HSD11B1: variants seen among roughly 807,000 people sequenced by gnomAD.
HSD11B1 encodes 11-beta-hydroxysteroid dehydrogenase 1.
A neutral mutation model predicts 22.1 loss-of-function variants in HSD11B1; 15 were observed. That is an observed-to-expected ratio of 0.68 (90% CI 0.45 to 1.04). The LOEUF is 1.04. Ranked by LOEUF, HSD11B1 falls within the 50% of genes least tolerant of loss-of-function variation. The pLI is 0.00. For synonymous variants in HSD11B1, 122 were observed against 125.2 expected, an observed-to-expected ratio of 0.97 and a Z score of 0.17; for missense variants, 281 against 357.6, an observed-to-expected ratio of 0.79 and a Z score of 1.73.
At chr1:209,694,505 A>G (rs138651693) in intron 1 of HSD11B1, among the ~76,000 whole-genome samples, 1 of 152,344 alleles carries the variant, frequency 6.6e-6, no homozygotes, top group Non-Finnish European at 1.5e-5. Context: ...CAGTACCTGA[A>G]TGATAAGGAA....
chr1:209,731,840 G>A (rs558701738), intron 4 of HSD11B1, among the ~76,000 whole-genome samples: 204 of 152,188 alleles, frequency 1.3e-3, no homozygotes, highest in African/African-American at 4.3e-3. Flanking sequence ...TCAGCCTCCC[G>A]AGTAGCTAGG....
chr1:209,719,851 A>G (rs897551152), intron 4 of HSD11B1, among the ~76,000 whole-genome samples: 3 of 152,226 alleles, frequency 2.0e-5, no homozygotes, highest in Admixed American at 6.5e-5. Context: ...GAATAGTGCC[A>G]CAATAAACAT....
chr1:209,724,428 G>A (rs563031517), intron 4 of HSD11B1, among the ~76,000 whole-genome samples: 1 of 152,276 alleles, frequency 6.6e-6, no homozygotes, highest in Non-Finnish European at 1.5e-5. Context: ...ATTTCCTTGG[G>A]ATGTTTGTTT....
chr1:209,696,697 A>T (rs1012020222), intron 1 of HSD11B1, among the ~76,000 whole-genome samples: 2 of 152,250 alleles, frequency 1.3e-5, no homozygotes, highest in African/African-American at 4.8e-5. Flanking sequence ...AAGCCTGGTG[A>T]CTATGAATTG....
In HSD11B1 at chr1:209,686,654, A is replaced by G. The variant is rs569341288; in HGVS notation, c.-49+369A>G. 6.1e-3 allele frequency among the ~76,000 whole-genome samples: 385 copies of G among 62,856 alleles called. 1 individual carries two copies. Among genetic ancestry groups the G allele is most frequent in the African/African-American group, 0.012 (361 of 30,750 alleles). The allele number at this position is 62,856 out of a possible 152,430, so 41.2% of individuals were successfully genotyped here. ...TTGGAATTACAGAAAGACAGCAAGA[A>G]TTATAGAAATGTTGTAAGCAGTTTT... On this transcript the variant is annotated intron_variant, in intron 1 of 6. Coordinates refer to the HSD11B1 transcript ENST00000261465.
At chr1:209,724,621 C>A (rs1261718009) in intron 4 of HSD11B1, among the ~76,000 whole-genome samples, 1 of 152,160 alleles carries the variant, frequency 6.6e-6, no homozygotes, top group South Asian at 2.1e-4. Context: ...CCTTTTGACT[C>A]ATGGAATCTT....
rs763364285 is a variant in HSD11B1, at chr1:209,734,359, G to A, written c.717G>A (p.Glu239=). ...GIVHMQAAPK[E]ECALEIIKGG... is the part of the protein sequence containing the mutation. ...TCCATATGCAAGCAGCTCCAAAGGA[G>A]GAATGTGCCCTGGAGATCATCAAAG... The change falls in exon 6 of 6, where the codon GAG becomes GAA. Residue 239 remains glutamate (E), a synonymous_variant. Coordinates refer to ENST00000367027, the MANE Select transcript of HSD11B1 (RefSeq NM_005525.4). The A allele has an allele frequency of 5.6e-6, 9 of 1,614,038 alleles. No homozygotes were observed. In the East Asian group the frequency reaches 6.7e-5, roughly 12 times the overall value.
intron 4 of HSD11B1, among the ~76,000 whole-genome samples, chr1:209,720,195 G>A (rs191525957): frequency 1.3e-5 from 2 of 152,264 alleles, no homozygotes; most frequent in East Asian, 3.9e-4. Flanking sequence ...AGAGAAACCT[G>A]ATAGACGGCA....
intron 4 of HSD11B1, among the ~76,000 whole-genome samples, chr1:209,722,059 C>T (rs575861157): frequency 6.6e-5 from 10 of 152,246 alleles, no homozygotes; most frequent in South Asian, 4.1e-4. Context: ...AGGCTAGGCA[C>T]GGGTGATTAG....
In HSD11B1 at chr1:209,704,892, T is replaced by C. The variant is rs770064994; in HGVS notation, c.-51T>C. On this transcript the variant is annotated 5_prime_UTR_variant, in exon 1 of 6. Transcript: ENST00000367027. ...GCTTAGGAGGTTGTAGAAAGCTCTG[T>C]AGGTTCTCTCTGTGTGTCCTACAGG... 1 of 1,402,094 alleles carries C rather than the reference T, an allele frequency of 7.1e-7. No individual in the cohort carries two copies. Among genetic ancestry groups the C allele is most frequent in the Non-Finnish European group, 1.0e-6 (1 of 987,492 alleles). The allele number at this position is 1,402,094 out of a possible 1,614,324, so 86.9% of individuals were successfully genotyped here. A position where few individuals can be genotyped will look rare whatever the true frequency, so the allele number is the denominator to read the frequency against.
chr1:209,701,359 C>T (rs1169588136), upstream of HSD11B1, among the ~76,000 whole-genome samples: 2 of 152,154 alleles, frequency 1.3e-5, no homozygotes, highest in African/African-American at 4.8e-5. Context: ...CATCAGATCT[C>T]GTGAGACTTA....
chr1:209,698,659 A>G (rs1363826074), intron 1 of HSD11B1, among the ~76,000 whole-genome samples: 1 of 152,250 alleles, frequency 6.6e-6, no homozygotes, highest in East Asian at 1.9e-4. Flanking sequence ...ATGTGAATCC[A>G]CAGGAGCTAG....
At chr1:209,731,407 C>A (rs1207172214) in intron 4 of HSD11B1, among the ~76,000 whole-genome samples, 3 of 151,910 alleles carry the variant, frequency 2.0e-5, no homozygotes, top group Non-Finnish European at 4.4e-5. Context: ...AAAATTAACA[C>A]CCATACAAGA....
chr1:209,687,498 C>G (rs1465155775), intron 1 of HSD11B1, among the ~76,000 whole-genome samples: 1 of 152,176 alleles, frequency 6.6e-6, no homozygotes, highest in Non-Finnish European at 1.5e-5. Context: ...GCTAAAAGTT[C>G]TCTGTGTCCA....
Position 209,731,590 on chromosome 1 carries a change from T to C in HSD11B1, c.518-846T>C, listed in dbSNP as rs147661924. Reference sequence around the variant, plus strand: ...CTACTCTCCCCTCCTAAAAAGGGTATTAATAATAGTTTATCCTATTAGGCA... The same window carrying C: ...CTACTCTCCCCTCCTAAAAAGGGTACTAATAATAGTTTATCCTATTAGGCA... On this transcript the variant is annotated intron_variant, in intron 4 of 5. Transcript: ENST00000367027. Among the ~76,000 whole-genome samples the C allele has an allele frequency of 3.0e-3, 452 of 152,328 alleles. 3 individuals are homozygous for C. The highest frequency in any genetic ancestry group is 0.01 in the African/African-American group (436 of 41,570).
At chr1:209,705,731 G>A (rs2076854437) in intron 1 of HSD11B1, 80 bp from the exon 2 acceptor site, 2 of 1,566,632 alleles carry the variant, frequency 1.3e-6, no homozygotes, top group Non-Finnish European at 1.8e-6. Context: ...ATTGCGATAA[G>A]CATGCCTATA....
At chr1:209,719,036 A>AAAGCAAAT (rs2076948556) in intron 4 of HSD11B1, among the ~76,000 whole-genome samples, 1 of 143,898 alleles carries the variant, frequency 6.9e-6, no homozygotes, top group Non-Finnish European at 1.5e-5. Context: ...AAAAAAAAAA[A>AAAGCAAAT]GGAAAGAAAA....
At chr1:209,705,393 CTG>C (rs1200622385) in intron 1 of HSD11B1, among the ~76,000 whole-genome samples, 2 of 110,720 alleles carry the variant, frequency 1.8e-5, no homozygotes, top group African/African-American at 6.6e-5. Flanking sequence ...AAAAAAAAAA[CTG>C]GAGATGATGA....
chr1:209,706,976 C>T lies in HSD11B1; in HGVS notation c.365C>T (p.Thr122Ile). ...GACATGCTCATTCTCAACCACATCA[C>T]CAACACTTCTTTGAATCTTTTTCAT... ...GLDMLILNHITNTSLNLFHDD... is the reference protein window; with the variant it reads ...GLDMLILNHIINTSLNLFHDD... Residue 122 changes from threonine (T) to isoleucine (I), a missense_variant, in exon 4 of 6, where the codon ACC becomes ATC. Transcript: ENST00000367027. The surrounding 1 kb of genome is among the most constrained non-coding windows in gnomAD (Gnocchi z 4.0). 3 of 1,614,116 alleles carry T rather than the reference C, an allele frequency of 1.9e-6. No homozygotes were observed. The highest frequency in any genetic ancestry group is 1.7e-6 in the Non-Finnish European group (2 of 1,179,970).
Sources: gnomAD v4.1 joint callset for allele counts (sites outside exome capture counted in the v4.1 genomes callset) on GRCh38, gnomAD v4.1.1 for gene constraint, Gnocchi (gnomAD v3.1) non-coding constraint, MANE v1.5 for transcripts, NCBI Gene and HGNC (gene_info 2026-07-23, HGNC 2026-07-21) for gene names.